The following SH2D4A variants were observed in gnomAD, a reference collection of about 807,000 sequenced individuals.
SH2D4A encodes SH2 domain containing 4A, also known as SH2 domain-containing protein 4A.
SH2D4A carries 70 observed loss-of-function variants against 64.7 expected under a neutral mutation model. The observed-to-expected ratio is 1.08, with a 90% confidence interval of 0.89 to 1.32. SH2D4A has a LOEUF of 1.32. SH2D4A is among the 40% of genes most tolerant of loss of function. The probability of loss-of-function intolerance (pLI) is 0.00; values close to 1 mark genes in which losing one functional copy is unlikely to be tolerated. For synonymous variants in SH2D4A, 268 were observed against 200.7 expected (o/e 1.34, Z -2.83); for missense variants, 706 against 540.1 (o/e 1.31, Z -3.04).
chr8:19,342,111 CAGA>C (rs1335964718), intron 4 of SH2D4A, among the ~76,000 whole-genome samples: 3 of 152,076 alleles, frequency 2.0e-5, no homozygotes, highest in African/African-American at 4.8e-5. Flanking sequence ...CAGTTGCTGC[CAGA>C]AGAAGTCCAA....
chr8:19,342,516 G>C (rs564630752), intron 4 of SH2D4A, among the ~76,000 whole-genome samples: 41 of 152,318 alleles, frequency 2.7e-4, no homozygotes, highest in Non-Finnish European at 4.6e-4. Flanking sequence ...AGTGGTTATA[G>C]ATAGCCCTCT....
intron 8 of SH2D4A, among the ~76,000 whole-genome samples, chr8:19,383,846 T>A (rs2053340746): frequency 6.6e-6 from 1 of 152,214 alleles, no homozygotes; most frequent in Non-Finnish European, 1.5e-5. Context: ...GAGGGATTTT[T>A]AAAATGTAAT....
At chr8:19,366,165 G>A (rs1019793864) in intron 7 of SH2D4A, among the ~76,000 whole-genome samples, 1 of 152,050 alleles carries the variant, frequency 6.6e-6, no homozygotes, top group Non-Finnish European at 1.5e-5. Context: ...ATTGTATTTT[G>A]TTTTTAATTG....
rs2947257 is a variant in SH2D4A, at chr8:19,395,996, C to G, written c.*1354C>G. The G allele has an allele frequency of 0.68, 103,065 of 151,980 alleles. 36,204 individuals carry two copies. Among genetic ancestry groups the G allele is most frequent in the Middle Eastern group, 0.78 (230 of 294 alleles). The allele number at this position is 151,980 out of a possible 1,614,324, so 9.4% of individuals were successfully genotyped here. A position where few individuals can be genotyped will look rare whatever the true frequency, so the allele number is the denominator to read the frequency against. Reference sequence around the variant, plus strand: ...TCCAGCCAGTTCTGTTTAGCCCTGGCACACATATTTGTCCCGTCAGGAATC... The same window carrying G: ...TCCAGCCAGTTCTGTTTAGCCCTGGGACACATATTTGTCCCGTCAGGAATC... On this transcript the variant is annotated 3_prime_UTR_variant, in exon 10 of 10. Coordinates refer to ENST00000265807, the MANE Select transcript of SH2D4A (RefSeq NM_022071.4).
Position 19,319,739 on chromosome 8 carries a change from C to A in SH2D4A, c.181+11C>A. The A allele has an allele frequency of 6.4e-7, 1 of 1,559,112 alleles. No homozygotes were observed. The highest frequency in any genetic ancestry group is 1.2e-5 in the South Asian group (1 of 81,338). Reference sequence around the variant, plus strand: ...CCAGACCAAAGAAAGGTAAACTTATCCACGTTTCTTCTGTGGATGTGTTGG... The same window carrying A: ...CCAGACCAAAGAAAGGTAAACTTATACACGTTTCTTCTGTGGATGTGTTGG... On this transcript the variant is annotated intron_variant, in intron 2 of 9. Transcript: ENST00000265807.
chr8:19,394,459 T>C (rs1007709389), intron 9 of SH2D4A, 91 bp from the exon 10 acceptor site: 3 of 816,228 alleles, frequency 3.7e-6, no homozygotes, highest in African/African-American at 3.5e-5. Context: ...GTGTAAATCA[T>C]GGGTAGGCAG....
chr8:19,320,900 A>G (rs1030760985), intron 2 of SH2D4A, among the ~76,000 whole-genome samples: 7 of 152,246 alleles, frequency 4.6e-5, no homozygotes, highest in African/African-American at 1.7e-4. Flanking sequence ...AAAGATTGAG[A>G]AAATGAATCT....
intron 4 of SH2D4A, among the ~76,000 whole-genome samples, chr8:19,344,958 T>C (rs2117240190): frequency 6.6e-6 from 1 of 152,312 alleles, no homozygotes; most frequent in African/African-American, 2.4e-5. Flanking sequence ...TTTTTGGATT[T>C]TAAAATTGTT....
At chr8:19,337,066 A>G (rs761840647) in intron 4 of SH2D4A, among the ~76,000 whole-genome samples, 4 of 152,192 alleles carry the variant, frequency 2.6e-5, no homozygotes, top group African/African-American at 4.8e-5. Flanking sequence ...CTAAACTGAC[A>G]TATGGAAAGA....
At chr8:19,387,983 T>C (rs2049122595) in intron 8 of SH2D4A, among the ~76,000 whole-genome samples, 1 of 152,230 alleles carries the variant, frequency 6.6e-6, no homozygotes, top group Non-Finnish European at 1.5e-5. Flanking sequence ...GCAGCATGAA[T>C]GCTAAGCTCA....
chr8:19,345,516 C>T (rs147995481), intron 4 of SH2D4A, among the ~76,000 whole-genome samples: 1 of 152,300 alleles, frequency 6.6e-6, no homozygotes, highest in East Asian at 1.9e-4. Flanking sequence ...TGGTATGTGG[C>T]AAAGTCAACT....
At chr8:19,389,881 CAAAT>C (rs1563215135) in intron 8 of SH2D4A, among the ~76,000 whole-genome samples, 3 of 152,114 alleles carry the variant, frequency 2.0e-5, no homozygotes, top group East Asian at 1.9e-4. Flanking sequence ...CTTAAAAAAA[CAAAT>C]AAAAATTACT....
intron 7 of SH2D4A, among the ~76,000 whole-genome samples, chr8:19,370,729 A>G (rs929830640): frequency 1.3e-5 from 2 of 152,138 alleles, no homozygotes; most frequent in Admixed American, 6.5e-5. Context: ...ATCCATTGAT[A>G]TGCAAGGTAA....
intron 2 of SH2D4A, among the ~76,000 whole-genome samples, chr8:19,322,461 T>C (rs951844709): frequency 3.3e-5 from 5 of 152,154 alleles, no homozygotes; most frequent in African/African-American, 1.2e-4. Context: ...ACCCCTGCCA[T>C]TCCTTGACCC....
At chr8:19,345,875 G>A (rs545265890) in intron 4 of SH2D4A, among the ~76,000 whole-genome samples, 2 of 152,332 alleles carry the variant, frequency 1.3e-5, no homozygotes, top group East Asian at 1.9e-4. Context: ...AGTTCTAAGA[G>A]TGAAGAATTT....
chr8:19,332,348 A>T (rs1299620108), intron 2 of SH2D4A, among the ~76,000 whole-genome samples: 1 of 152,146 alleles, frequency 6.6e-6, no homozygotes, highest in Non-Finnish European at 1.5e-5. Context: ...TAAAATAGGC[A>T]CATGCAGCCA....
chr8:19,354,817 G>A (rs1187379065), intron 4 of SH2D4A, among the ~76,000 whole-genome samples: 1 of 152,146 alleles, frequency 6.6e-6, no homozygotes, highest in Non-Finnish European at 1.5e-5. Context: ...TGAATACATG[G>A]ATTAGAAGAT....
chr8:19,320,343 C>T (rs73212504), intron 2 of SH2D4A, among the ~76,000 whole-genome samples: 20,375 of 152,020 alleles, frequency 0.13, 1,557 homozygotes, highest in East Asian at 0.26. Context: ...AGACTTAAAG[C>T]AGACAAGGTG....
chr8:19,383,040 G>A (rs1457703838), intron 8 of SH2D4A, among the ~76,000 whole-genome samples: 2 of 151,312 alleles, frequency 1.3e-5, no homozygotes, highest in African/African-American at 2.4e-5. Flanking sequence ...GTGTCAGTGT[G>A]GGTCTCTTTA....
Sources: gnomAD v4.1 joint callset for allele counts (sites outside exome capture counted in the v4.1 genomes callset) on GRCh38, gnomAD v4.1.1 for gene constraint, MANE v1.5 for transcripts, NCBI Gene and HGNC (gene_info 2026-07-23, HGNC 2026-07-21) for gene names.